Variants in CACNA2D2 observed in about 807,000 individuals in gnomAD.
CACNA2D2 encodes the protein calcium voltage-gated channel auxiliary subunit alpha2delta 2.
A neutral mutation model predicts 166.4 loss-of-function variants in CACNA2D2; 48 were observed. The observed-to-expected ratio is 0.29, with a 90% confidence interval of 0.23 to 0.37. CACNA2D2 has a LOEUF of 0.37. Among genes scored for constraint, CACNA2D2 ranks in the 10% least tolerant of loss-of-function variants. The pLI, the probability that CACNA2D2 is intolerant of heterozygous loss-of-function variation, is 1.00. For missense variants in CACNA2D2, 1,122 were observed against 1,433.0 expected (o/e 0.78, Z 3.50); for synonymous variants, 561 against 573.7 (o/e 0.98, Z 0.32).
intron 2 of CACNA2D2, among the ~76,000 whole-genome samples, chr3:50,434,639 G>A (rs1708225312): frequency 1.3e-5 from 2 of 152,234 alleles, no homozygotes; most frequent in South Asian, 2.1e-4. Context: ...TTGCATCTGG[G>A]ATGAGGGCCC....
intron 1 of CACNA2D2, among the ~76,000 whole-genome samples, chr3:50,498,460 G>A (rs1698814588): frequency 6.6e-6 from 1 of 152,192 alleles, no homozygotes; most frequent in African/African-American, 2.4e-5. Flanking sequence ...CTGGAATCTG[G>A]AGAAGGAAAT....
At chr3:50,485,914 C>T (rs1406335480) in intron 1 of CACNA2D2, among the ~76,000 whole-genome samples, 1 of 152,166 alleles carries the variant, frequency 6.6e-6, no homozygotes, top group Non-Finnish European at 1.5e-5. Flanking sequence ...GGCACGGGGA[C>T]AGGAATCCAG....
intron 2 of CACNA2D2, among the ~76,000 whole-genome samples, chr3:50,440,207 G>A (rs548639082): frequency 1.4e-4 from 22 of 152,332 alleles, no homozygotes; most frequent in African/African-American, 5.3e-4. Flanking sequence ...CTGGGTGTGT[G>A]ACTGGCAGCT....
At chr3:50,419,332 T>A (rs1272428977) in intron 3 of CACNA2D2, among the ~76,000 whole-genome samples, 1 of 152,110 alleles carries the variant, frequency 6.6e-6, no homozygotes, top group Non-Finnish European at 1.5e-5. Context: ...TAATTAGAGA[T>A]GTTGTTCTGG....
intron 2 of CACNA2D2, among the ~76,000 whole-genome samples, chr3:50,463,383 T>C (rs1709678733): frequency 6.6e-6 from 1 of 151,924 alleles, no homozygotes; most frequent in Non-Finnish European, 1.5e-5. Flanking sequence ...GTCATTGCAA[T>C]CTCGACCTCA....
At chr3:50,499,187 T>C (rs1246866062) in intron 1 of CACNA2D2, among the ~76,000 whole-genome samples, 1 of 152,058 alleles carries the variant, frequency 6.6e-6, no homozygotes, top group East Asian at 1.9e-4. Context: ...AGAGCTGGGA[T>C]GGGAAGGCCT....
chr3:50,498,166 C>T (rs1427064440), intron 1 of CACNA2D2, among the ~76,000 whole-genome samples: 2 of 152,184 alleles, frequency 1.3e-5, no homozygotes, highest in East Asian at 3.8e-4. Flanking sequence ...CAGGCAACAT[C>T]GCCCTGCCAG....
At chr3:50,454,035 T>C (rs1357203378) in intron 2 of CACNA2D2, among the ~76,000 whole-genome samples, 4 of 152,142 alleles carry the variant, frequency 2.6e-5, no homozygotes, top group Non-Finnish European at 5.9e-5. Flanking sequence ...GAATGGCCAA[T>C]GAGGCCATCT....
chr3:50,468,176 G>A (rs970513630), intron 2 of CACNA2D2, among the ~76,000 whole-genome samples: 2 of 152,110 alleles, frequency 1.3e-5, no homozygotes, highest in Admixed American at 6.5e-5. Flanking sequence ...TCCCACCCTC[G>A]AACATTCAGA....
Position 50,414,288 on chromosome 3 carries a change from C to T in CACNA2D2, c.405+20025G>A, listed in dbSNP as rs537638135. Among the ~76,000 whole-genome samples, 14 of 152,230 alleles carry T rather than the reference C, an allele frequency of 9.2e-5. No individual in the cohort carries two copies. The South Asian group carries it at 2.9e-3, about 32-fold the overall frequency. Reference sequence around the variant, plus strand: ...CGCACCGTGCAAGCGTGGCCAAGCCCAGGTATGGTCCTTACAGTGAACAGC... The same window carrying T: ...CGCACCGTGCAAGCGTGGCCAAGCCTAGGTATGGTCCTTACAGTGAACAGC... On this transcript the variant is annotated intron_variant, in intron 3 of 37. Transcript: ENST00000424201.
chr3:50,473,337 C>A (rs1710178248), intron 2 of CACNA2D2, among the ~76,000 whole-genome samples: 1 of 152,254 alleles, frequency 6.6e-6, no homozygotes, highest in Non-Finnish European at 1.5e-5. Flanking sequence ...TGCACTCTGG[C>A]AGCTGCCAGC....
chr3:50,458,488 A>G (rs1192529981), intron 2 of CACNA2D2, among the ~76,000 whole-genome samples: 4 of 152,168 alleles, frequency 2.6e-5, no homozygotes, highest in African/African-American at 9.7e-5. Flanking sequence ...GGGTGGTAAG[A>G]GACCAGCCCG....
Position 50,366,237 on chromosome 3 carries a change from CTCT to C in CACNA2D2, c.2709+27_2709+29del. The C allele has an allele frequency of 6.2e-7, 1 of 1,614,070 alleles. No homozygotes were observed. The highest frequency in any genetic ancestry group is 1.1e-5 in the South Asian group (1 of 91,086). On this transcript the variant is annotated intron_variant, in intron 31 of 37. Transcript: ENST00000424201. The surrounding 1 kb of genome is among the most constrained non-coding windows in gnomAD (Gnocchi z 5.9). ...CCCCTAGAAGGCTCAAATCCCTACT[CTCT>C]TCTTTCACTCTCTTCCTGATCCTCA... is the stretch of plus-strand genomic sequence containing the variant.
At chr3:50,497,610 G>A (rs559742987) in intron 1 of CACNA2D2, among the ~76,000 whole-genome samples, 2 of 152,330 alleles carry the variant, frequency 1.3e-5, no homozygotes, top group African/African-American at 4.8e-5. Context: ...CAGTGGCAGG[G>A]CAGGGCTTGG....
chr3:50,426,779 A>G (rs1335611897), intron 3 of CACNA2D2, among the ~76,000 whole-genome samples: 1 of 152,058 alleles, frequency 6.6e-6, no homozygotes, highest in Non-Finnish European at 1.5e-5. Flanking sequence ...CTTAGCCCCA[A>G]ATCCACAAGT....
In CACNA2D2 at chr3:50,384,204, T is replaced by TA. The variant is rs1705470449; in HGVS notation, c.643dup (p.Tyr215LeufsTer10). On this transcript the variant is annotated frameshift_variant, in exon 6 of 38. Transcript: ENST00000424201. LOFTEE classifies it high-confidence loss of function. ...TTGCTCTGCACACTCACAGCCTTTG[T>TA]AGATGTCCGTAGGGATCTGTACAGC... The TA allele has an allele frequency of 6.2e-7, 1 of 1,613,938 alleles. No homozygotes were observed. Among genetic ancestry groups the TA allele is most frequent in the South Asian group, 1.1e-5 (1 of 91,080 alleles).
At chr3:50,440,553 C>T (rs749073223) in intron 2 of CACNA2D2, among the ~76,000 whole-genome samples, 4 of 152,214 alleles carry the variant, frequency 2.6e-5, no homozygotes, top group African/African-American at 7.2e-5. Flanking sequence ...CTGGGATGAA[C>T]GCTCTCTTTA....
intron 13 of CACNA2D2, 110 bp from the exon 14 acceptor site, chr3:50,378,443 C>G (rs587679485): frequency 4.4e-6 from 5 of 1,139,316 alleles, no homozygotes; most frequent in Non-Finnish European, 6.5e-6. Flanking sequence ...TCTTGGGCTC[C>G]TCTCTTTTTG....
rs1350249856 is a variant in CACNA2D2 at position 50,365,170 on chromosome 3, T to C, written c.3113A>G (p.Gln1038Arg). 1.2e-6 allele frequency: 2 copies of C among 1,611,994 alleles called. No homozygotes were observed. Among genetic ancestry groups the C allele is most frequent in the African/African-American group, 2.7e-5 (2 of 74,882 alleles). Residue 1038 changes from glutamine to arginine, a missense_variant, in exon 36 of 38, where the codon CAG (glutamine) becomes CGG (arginine). Gln to Arg is a conservative substitution (Grantham distance 43). Around this residue, in one of 2 missense-constraint regions of CACNA2D2, gnomAD observed 282 missense variants for 266.2 expected, o/e 1.06. Coordinates refer to ENST00000424201, the MANE Select transcript of CACNA2D2 (RefSeq NM_006030.4). The surrounding 1 kb of genome is among the most constrained non-coding windows in gnomAD (Gnocchi z 4.5). ...CGNCSRLFHA[Q>R]RLTNTNLLFV... ...GAGAAGATTGGTGTTGGTCAGTCTC[T>C]GCGCGTGGAACAGCCTGCGGGCAGC...
Sources: gnomAD v4.1 joint callset for allele counts (sites outside exome capture counted in the v4.1 genomes callset) on GRCh38, gnomAD v4.1.1 for gene constraint, gnomAD v4.1.1 regional missense constraint, Gnocchi (gnomAD v3.1) non-coding constraint, MANE v1.5 for transcripts, NCBI Gene and HGNC (gene_info 2026-07-23, HGNC 2026-07-21) for gene names.